KHDRBS2: variants seen among roughly 807,000 people sequenced by gnomAD.
KHDRBS2 encodes KH RNA binding domain containing, signal transduction associated 2, also known as KH domain-containing, RNA-binding, signal transduction-associated protein 2.
KHDRBS2 carries 26 observed loss-of-function variants against 44.3 expected under a neutral mutation model. The observed-to-expected ratio is 0.59, with a 90% confidence interval of 0.43 to 0.81. The LOEUF (loss-of-function observed/expected upper bound fraction) is 0.81. Ranked by LOEUF, KHDRBS2 falls within the 40% of genes least tolerant of loss-of-function variation. The probability of loss-of-function intolerance (pLI) is 0.00; values close to 1 mark genes in which losing one functional copy is unlikely to be tolerated. For synonymous variants in KHDRBS2, 194 were observed against 151.1 expected (o/e 1.28, Z -2.08); for missense variants, 476 against 433.1 (o/e 1.10, Z -0.88).
chr6:62,008,308 T>C (rs1197238965), intron 3 of KHDRBS2, among the ~76,000 whole-genome samples: 1 of 152,160 alleles, frequency 6.6e-6, no homozygotes, highest in Non-Finnish European at 1.5e-5. Flanking sequence ...GACTCTTTTT[T>C]CCTAGTCATG....
At chr6:61,548,258 A>G in the KHDRBS2 span, among the ~76,000 whole-genome samples, 1 of 152,142 alleles carries the variant, frequency 6.6e-6, no homozygotes, top group African/African-American at 2.4e-5. Context: ...AACATGAGAT[A>G]TTTTGTCTAA....
chr6:62,061,695 T>C (rs1211748539), intron 2 of KHDRBS2, among the ~76,000 whole-genome samples: 2 of 151,206 alleles, frequency 1.3e-5, no homozygotes, highest in African/African-American at 2.4e-5. Context: ...GCCTTCTCTG[T>C]ATTTCCTGAA....
At position 62,115,374 on chromosome 6, in the gene KHDRBS2, T is replaced by C. The variant is rs61076728; in HGVS notation, c.219+61811A>G. Reference sequence around the variant, plus strand: ...ATCAGCATAGGCTGCTGGATGTGTGTGCTACCATTATCCAGTTTTACAGAA... The same window carrying C: ...ATCAGCATAGGCTGCTGGATGTGTGCGCTACCATTATCCAGTTTTACAGAA... On this transcript the variant is annotated intron_variant, in intron 2 of 8. Coordinates refer to ENST00000281156, the MANE Select transcript of KHDRBS2 (RefSeq NM_152688.4). 3.8e-3 allele frequency among the ~76,000 whole-genome samples: 582 copies of C among 152,294 alleles called. 2 individuals carry two copies. Among genetic ancestry groups the C allele is most frequent in the African/African-American group, 0.014 (563 of 41,570 alleles).
chr6:62,221,539 C>T (rs1207766768), intron 1 of KHDRBS2, among the ~76,000 whole-genome samples: 1 of 151,864 alleles, frequency 6.6e-6, no homozygotes, highest in Non-Finnish European at 1.5e-5. Flanking sequence ...ATTTTGTTAT[C>T]TACATGTATC....
chr6:62,171,146 A>G (rs1819918137), intron 2 of KHDRBS2, among the ~76,000 whole-genome samples: 1 of 152,150 alleles, frequency 6.6e-6, no homozygotes, highest in Non-Finnish European at 1.5e-5. Flanking sequence ...TGGCAGATAC[A>G]GAATTCAGGG....
At chr6:61,854,854 T>G (rs561838700) in intron 6 of KHDRBS2, among the ~76,000 whole-genome samples, 27 of 152,286 alleles carry the variant, frequency 1.8e-4, no homozygotes, top group African/African-American at 5.8e-4. Context: ...AATGAATTGA[T>G]GCATATGGTG....
At chr6:62,079,305 T>A in intron 2 of KHDRBS2, among the ~76,000 whole-genome samples, 1 of 151,950 alleles carries the variant, frequency 6.6e-6, no homozygotes, top group East Asian at 1.9e-4. Flanking sequence ...TTGTGAAATA[T>A]AACAGAGAAA....
rs556610097 is a variant in KHDRBS2 at position 61,848,379 on chromosome 6, T to C, written c.810+46256A>G. Among the ~76,000 whole-genome samples, 233 of 146,780 alleles carry C rather than the reference T, an allele frequency of 1.6e-3. 3 individuals carry two copies. In the Middle Eastern group the frequency reaches 0.018, roughly 11 times the overall value. The stretch of plus-strand genomic sequence containing the variant: ...TGAACAAGCAGGTCGCAATGTTGCA[T>C]GTCCAACACTAAGATGTATAACACT... On this transcript the variant is annotated intron_variant, in intron 6 of 8. Coordinates refer to ENST00000281156, the MANE Select transcript of KHDRBS2 (RefSeq NM_152688.4).
chr6:61,877,437 T>TTTTTTG (rs926235056), intron 6 of KHDRBS2, among the ~76,000 whole-genome samples: 4 of 151,472 alleles, frequency 2.6e-5, no homozygotes, highest in Admixed American at 1.3e-4. Flanking sequence ...AGAAAGTTTT[T>TTTTTTG]TTTTTGTTTT....
chr6:62,250,189 A>G (rs1183922918), intron 1 of KHDRBS2, among the ~76,000 whole-genome samples: 1 of 152,104 alleles, frequency 6.6e-6, no homozygotes, highest in Non-Finnish European at 1.5e-5. Flanking sequence ...ATAAAAGAGG[A>G]CAAACGATCA....
intron 1 of KHDRBS2, among the ~76,000 whole-genome samples, chr6:62,227,314 C>T (rs1832053968): frequency 6.6e-6 from 1 of 152,100 alleles, no homozygotes; most frequent in South Asian, 2.1e-4. Flanking sequence ...CATGATTTGG[C>T]TCTCTGCTTA....
chr6:62,064,869 C>T (rs372375528), intron 2 of KHDRBS2, among the ~76,000 whole-genome samples: 32 of 149,490 alleles, frequency 2.1e-4, no homozygotes, highest in East Asian at 1.4e-3. Flanking sequence ...AGAAAATTTT[C>T]GCAACCTACT....
intron 3 of KHDRBS2, among the ~76,000 whole-genome samples, chr6:62,009,325 T>C (rs1054315376): frequency 4.6e-5 from 7 of 152,148 alleles, no homozygotes; most frequent in Non-Finnish European, 4.4e-5. Flanking sequence ...TTGGAAGAAA[T>C]TTCTAATCAG....
chr6:61,995,884 G>A (rs924378009), intron 3 of KHDRBS2, among the ~76,000 whole-genome samples: 1 of 152,056 alleles, frequency 6.6e-6, no homozygotes, highest in Admixed American at 6.6e-5. Context: ...TGTCTTTTAA[G>A]TATTATCTTA....
downstream of KHDRBS2, among the ~76,000 whole-genome samples, chr6:61,676,534 C>T (rs560869763): frequency 6.6e-6 from 1 of 151,998 alleles, no homozygotes; most frequent in South Asian, 2.1e-4. Context: ...CTGACAACAT[C>T]TGCATCCTGG....
intron 6 of KHDRBS2, among the ~76,000 whole-genome samples, chr6:61,759,682 A>G (rs559975451): frequency 6.6e-6 from 1 of 152,302 alleles, no homozygotes; most frequent in African/African-American, 2.4e-5. Context: ...ATTTGGGAAA[A>G]TGTTTGATCT....
intron 6 of KHDRBS2, among the ~76,000 whole-genome samples, chr6:61,735,930 C>T (rs559482766): frequency 6.6e-6 from 1 of 151,722 alleles, no homozygotes; most frequent in Non-Finnish European, 1.5e-5. Flanking sequence ...TTTTTTATTT[C>T]TTCTGGATGC....
intron 1 of KHDRBS2, among the ~76,000 whole-genome samples, chr6:62,238,478 A>C (rs1020026719): frequency 2.0e-5 from 3 of 152,228 alleles, no homozygotes; most frequent in Non-Finnish European, 1.5e-5. Flanking sequence ...TTTGTAAAAT[A>C]AAACTATATT....
intron 6 of KHDRBS2, among the ~76,000 whole-genome samples, chr6:61,799,650 T>G (rs1785945781): frequency 6.6e-6 from 1 of 152,008 alleles, no homozygotes; most frequent in Non-Finnish European, 1.5e-5. Context: ...ACCCTGACCC[T>G]TATTCTCTCC....
Sources: allele counts gnomAD v4.1 joint callset (sites outside exome capture counted in the v4.1 genomes callset), GRCh38; gene constraint gnomAD v4.1.1; transcripts MANE v1.5; gene names NCBI Gene and HGNC (gene_info 2026-07-23, HGNC 2026-07-21).